Variants in SLC25A21 observed in about 807,000 individuals in gnomAD.
SLC25A21 encodes the protein solute carrier family 25 member 21.
A neutral mutation model predicts 43.8 loss-of-function variants in SLC25A21; 47 were observed. The observed-to-expected ratio is 1.07, with a 90% CI of 0.85 to 1.37. The LOEUF is 1.37. SLC25A21 is among the 40% of genes most tolerant of loss of function. The pLI, the probability that SLC25A21 is intolerant of heterozygous loss-of-function variation, is 0.00. For missense variants in SLC25A21, 352 were observed against 350.2 expected (o/e 1.00, Z -0.04); for synonymous variants, 131 against 121.3 (o/e 1.08, Z -0.52).
At chr14:37,082,635 T>C (rs1176898587) in intron 1 of SLC25A21, among the ~76,000 whole-genome samples, 2 of 152,092 alleles carry the variant, frequency 1.3e-5, no homozygotes, top group Admixed American at 1.3e-4. Context: ...TAGCAAATAT[T>C]CAAAAAATGT....
intron 3 of SLC25A21, among the ~76,000 whole-genome samples, chr14:36,771,257 T>A (rs1025160869): frequency 1.3e-5 from 2 of 152,132 alleles, no homozygotes; most frequent in African/African-American, 4.8e-5. Context: ...ACTGTATGAG[T>A]CTTACAAAAA....
chr14:37,172,057 G>A, intron 1 of SLC25A21: 1 of 543,872 alleles, frequency 1.8e-6, no homozygotes. Context: ...GAGAGCGGCC[G>A]GCGCGGACGC....
intron 1 of SLC25A21, among the ~76,000 whole-genome samples, chr14:37,167,448 C>T (rs1285529139): frequency 1.3e-5 from 2 of 152,150 alleles, no homozygotes; most frequent in African/African-American, 4.8e-5. Context: ...AACCTCCAAG[C>T]TGTCCTTGTT....
At chr14:37,002,273 T>G (rs1400014775) in intron 1 of SLC25A21, among the ~76,000 whole-genome samples, 1 of 152,196 alleles carries the variant, frequency 6.6e-6, no homozygotes, top group African/African-American at 2.4e-5. Flanking sequence ...AGGGTCTTTG[T>G]TCTCCACCAT....
At chr14:36,848,684 A>G (rs1889625204) in intron 2 of SLC25A21, among the ~76,000 whole-genome samples, 1 of 152,204 alleles carries the variant, frequency 6.6e-6, no homozygotes, top group Non-Finnish European at 1.5e-5. Flanking sequence ...GGAAATTAAT[A>G]CTAGTCTTGT....
chr14:36,744,389 C>A (rs1267088242), intron 3 of SLC25A21, among the ~76,000 whole-genome samples: 1 of 151,070 alleles, frequency 6.6e-6, no homozygotes, highest in Non-Finnish European at 1.5e-5. Flanking sequence ...AGCCACATAC[C>A]TACAACCAAC....
At chr14:36,805,234 T>G (rs1161302425) in intron 3 of SLC25A21, among the ~76,000 whole-genome samples, 1 of 152,278 alleles carries the variant, frequency 6.6e-6, no homozygotes. Context: ...CACTTACTCT[T>G]TGGCAACAGT....
At chr14:37,040,495 A>G (rs893746054) in intron 1 of SLC25A21, among the ~76,000 whole-genome samples, 1 of 151,966 alleles carries the variant, frequency 6.6e-6, no homozygotes. Flanking sequence ...TTCTATGTTG[A>G]CTGGCATGGG....
intron 1 of SLC25A21, among the ~76,000 whole-genome samples, chr14:37,147,635 T>TG (rs386381131): frequency 9.6e-5 from 1 of 10,468 alleles, no homozygotes; most frequent in Non-Finnish European, 7.9e-3. Context: ...TTATTTCAGG[T>TG]TTTTTTTTTT....
At chr14:36,821,129 T>C (rs1332094564) in intron 2 of SLC25A21, among the ~76,000 whole-genome samples, 1 of 152,196 alleles carries the variant, frequency 6.6e-6, no homozygotes. Context: ...GAAATTTATG[T>C]GTACACACCG....
At chr14:37,105,663 T>C (rs1962897755) in intron 1 of SLC25A21, among the ~76,000 whole-genome samples, 1 of 152,140 alleles carries the variant, frequency 6.6e-6, no homozygotes, top group African/African-American at 2.4e-5. Flanking sequence ...AATATTAAAA[T>C]GAAGAAACCA....
intron 5 of SLC25A21, among the ~76,000 whole-genome samples, chr14:36,726,630 C>T (rs1348087398): frequency 1.3e-5 from 2 of 152,202 alleles, no homozygotes; most frequent in African/African-American, 4.8e-5. Context: ...GAATTTTCCT[C>T]TAGGTAGAAT....
At chr14:36,813,536 A>AT (rs1888346546) in intron 3 of SLC25A21, among the ~76,000 whole-genome samples, 1 of 152,066 alleles carries the variant, frequency 6.6e-6, no homozygotes, top group Non-Finnish European at 1.5e-5. Flanking sequence ...TGATGCATCA[A>AT]TTTTTGATAC....
chr14:36,789,282 A>C (rs974874675), intron 3 of SLC25A21, among the ~76,000 whole-genome samples: 1 of 152,106 alleles, frequency 6.6e-6, no homozygotes, highest in Non-Finnish European at 1.5e-5. Flanking sequence ...AAGTTCTGCT[A>C]TGGAGGCTCT....
chr14:36,781,186 C>A (rs1163585914), intron 3 of SLC25A21, among the ~76,000 whole-genome samples: 1 of 152,130 alleles, frequency 6.6e-6, no homozygotes, highest in Non-Finnish European at 1.5e-5. Flanking sequence ...ACTTTTCCAT[C>A]CCTTCACTTT....
chr14:36,968,284 G>A (rs951028029), intron 1 of SLC25A21, among the ~76,000 whole-genome samples: 4 of 152,170 alleles, frequency 2.6e-5, no homozygotes, highest in East Asian at 1.9e-4. Context: ...CCCCTGGAAC[G>A]ACAGCACAGC....
intron 3 of SLC25A21, among the ~76,000 whole-genome samples, chr14:36,740,189 T>G (rs1282547391): frequency 6.6e-6 from 1 of 152,212 alleles, no homozygotes; most frequent in Admixed American, 6.5e-5. Flanking sequence ...TCTTAAGCAA[T>G]GCATTTATAA....
intron 1 of SLC25A21, among the ~76,000 whole-genome samples, chr14:37,021,691 G>C (rs1960988533): frequency 6.6e-6 from 1 of 151,866 alleles, no homozygotes; most frequent in Non-Finnish European, 1.5e-5. Context: ...TGAAAGTTGG[G>C]GGCAGGGGAG....
intron 1 of SLC25A21, among the ~76,000 whole-genome samples, chr14:36,964,993 T>G (rs537493644): frequency 6.6e-6 from 1 of 152,184 alleles, no homozygotes; most frequent in Non-Finnish European, 1.5e-5. Flanking sequence ...AATGGTTTGG[T>G]TGGACTCTGA....
Sources: allele counts gnomAD v4.1 joint callset (sites outside exome capture counted in the v4.1 genomes callset), GRCh38; gene constraint gnomAD v4.1.1; transcripts MANE v1.5; gene names NCBI Gene and HGNC (gene_info 2026-07-23, HGNC 2026-07-21).